The following ENPP2 variants were observed in gnomAD, a reference collection of about 807,000 sequenced individuals.
The protein encoded by ENPP2 is autotaxin.
A neutral mutation model predicts 120.2 loss-of-function variants in ENPP2; 51 were observed. That is an observed-to-expected ratio of 0.42 (90% CI 0.34 to 0.54). The LOEUF (loss-of-function observed/expected upper bound fraction) is 0.54. Ranked by LOEUF, ENPP2 falls within the 20% of genes least tolerant of loss-of-function variation. ENPP2 has a pLI of 0.04. For synonymous variants in ENPP2, 365 were observed against 366.4 expected (o/e 1.00, Z 0.04); for missense variants, 920 against 1,066.5 (o/e 0.86, Z 1.91).
In ENPP2 at chr8:119,582,491, T is replaced by C. The variant is rs566202012; in HGVS notation, c.1655A>G (p.Asn552Ser). The C allele has an allele frequency of 2.2e-5, 36 of 1,614,122 alleles. No homozygotes were observed. The East Asian group carries it at 6.9e-4, about 31-fold the overall frequency. Residue 552 changes from asparagine (N) to serine (S), a missense_variant, in exon 18 of 25, where the codon AAT (asparagine) becomes AGT (serine). Physicochemically the swap from Asn to Ser is conservative, Grantham distance 46 (BLOSUM62 1). Transcript: ENST00000075322. ...PTMPEEVTRP[N>S]YPGIMYLQSD... ...CTGAAGGTACATAATCCCTGGATAA[T>C]TGGGTCTGGTAACTTCCTCTGGCAT...
chr8:119,668,644 G>A lies in ENPP2; in HGVS notation c.21+4608C>T, dbSNP rs1334467425. Among the ~76,000 whole-genome samples the A allele has an allele frequency of 4.0e-5, 6 of 151,758 alleles. No individual in the cohort carries two copies. In the East Asian group the frequency reaches 7.7e-4, roughly 20 times the overall value. ...GGGTTTCACCATGTTGGCCAGGATG[G>A]TCTCCATCTCTTGACCTTGTGATCC... On this transcript the variant is annotated intron_variant, in intron 1 of 25. Coordinates refer to the ENPP2 transcript ENST00000427067.
At chr8:119,611,589 C>A (rs1815112028) in intron 8 of ENPP2, among the ~76,000 whole-genome samples, 1 of 152,134 alleles carries the variant, frequency 6.6e-6, no homozygotes. Flanking sequence ...AAATATGCCC[C>A]CGAAGGAAAC....
At chr8:119,593,209 T>A (rs1813662114) in intron 12 of ENPP2, among the ~76,000 whole-genome samples, 1 of 152,192 alleles carries the variant, frequency 6.6e-6, no homozygotes, top group Admixed American at 6.5e-5. Flanking sequence ...TGCTTCTTCC[T>A]CTCTTTAACA....
intron 1 of ENPP2, among the ~76,000 whole-genome samples, chr8:119,651,156 A>C (rs1335277371): frequency 6.6e-6 from 1 of 152,152 alleles, no homozygotes; most frequent in Admixed American, 6.5e-5. Flanking sequence ...TAATGGTTAA[A>C]TTATAGATAG....
At chr8:119,670,401 T>C (rs1162830215) in intron 1 of ENPP2, among the ~76,000 whole-genome samples, 3 of 152,258 alleles carry the variant, frequency 2.0e-5, no homozygotes, top group African/African-American at 7.2e-5. Context: ...ATCTCTGTCA[T>C]CTAATTCAAT....
rs563218494 is a variant in ENPP2 at position 119,645,970 on chromosome 8, T to C, written c.22-7443A>G. Among the ~76,000 whole-genome samples the C allele has an allele frequency of 6.7e-4, 102 of 152,136 alleles. 1 individual carries two copies. Among genetic ancestry groups the C allele is most frequent in the African/African-American group, 2.4e-3 (101 of 41,520 alleles). On this transcript the variant is annotated intron_variant, in intron 1 of 25. Coordinates refer to the ENPP2 transcript ENST00000427067. Reference sequence around the variant, plus strand: ...TATGCAAATCTAATGATTTTCCTTCTAAACTTTTTTTTTTTGAGATGGAGT... The same window carrying C: ...TATGCAAATCTAATGATTTTCCTTCCAAACTTTTTTTTTTTGAGATGGAGT...
At chr8:119,567,298 A>T (rs1301032786) in intron 22 of ENPP2, among the ~76,000 whole-genome samples, 4 of 152,360 alleles carry the variant, frequency 2.6e-5, no homozygotes, top group Admixed American at 2.6e-4. Context: ...ATGAATGAGG[A>T]TGGAGACATA....
At chr8:119,657,810 T>C (rs1013084889) in intron 1 of ENPP2, among the ~76,000 whole-genome samples, 5 of 152,198 alleles carry the variant, frequency 3.3e-5, no homozygotes, top group African/African-American at 4.8e-5. Context: ...GAAGGGGTCA[T>C]TGTGATGAAT....
intron 2 of ENPP2, among the ~76,000 whole-genome samples, chr8:119,632,824 C>T (rs965746721): frequency 3.3e-5 from 5 of 152,192 alleles, no homozygotes; most frequent in Admixed American, 3.3e-4. Flanking sequence ...AATCCCAAGA[C>T]TTTGGGAGGC....
At chr8:119,632,412 T>C (rs1245750850) in intron 2 of ENPP2, among the ~76,000 whole-genome samples, 1 of 152,230 alleles carries the variant, frequency 6.6e-6, no homozygotes, top group African/African-American at 2.4e-5. Flanking sequence ...GAGATTCAAA[T>C]TCTATTGCCG....
chr8:119,644,409 A>G (rs544236549), intron 1 of ENPP2, among the ~76,000 whole-genome samples: 1 of 151,656 alleles, frequency 6.6e-6, no homozygotes, highest in Admixed American at 6.6e-5. Context: ...GAATTAATAG[A>G]TACTTAATGA....
At chr8:119,664,459 C>T (rs979624028) in intron 1 of ENPP2, among the ~76,000 whole-genome samples, 3 of 152,026 alleles carry the variant, frequency 2.0e-5, no homozygotes, top group South Asian at 4.1e-4. Context: ...AAATGATTTG[C>T]AAGCCGTGAA....
upstream of ENPP2, among the ~76,000 whole-genome samples, chr8:119,640,013 A>G (rs150576618): frequency 7.0e-4 from 107 of 152,318 alleles, no homozygotes; most frequent in Admixed American, 2.7e-3. Flanking sequence ...GAGACTTACC[A>G]TGCAACAAAT....
chr8:119,600,568 C>T, intron 11 of ENPP2, 110 bp downstream of exon 11: 1 of 717,936 alleles, frequency 1.4e-6, no homozygotes, highest in Non-Finnish European at 2.4e-6. Context: ...TTGCATAAAC[C>T]TTGTAGATAC....
At chr8:119,644,603 TATATATA>T (rs1224284093) in intron 1 of ENPP2, among the ~76,000 whole-genome samples, 1 of 95,686 alleles carries the variant, frequency 1.0e-5, no homozygotes, top group Non-Finnish European at 2.1e-5. Context: ...TATATATATA[TATATATA>T]TATATATATA....
At chr8:119,566,222 G>T (rs1450932538) in intron 22 of ENPP2, among the ~76,000 whole-genome samples, 1 of 152,124 alleles carries the variant, frequency 6.6e-6, no homozygotes, top group Non-Finnish European at 1.5e-5. Context: ...CAACCAGAGG[G>T]GCAGAATGGA....
intron 2 of ENPP2, among the ~76,000 whole-genome samples, chr8:119,636,717 C>A (rs1043740851): frequency 6.6e-6 from 1 of 151,924 alleles, no homozygotes; most frequent in Admixed American, 6.6e-5. Flanking sequence ...CCAATCTATA[C>A]TTTTCAAGTT....
chr8:119,672,010 G>A (rs980484740), intron 1 of ENPP2, among the ~76,000 whole-genome samples: 1 of 152,148 alleles, frequency 6.6e-6, no homozygotes, highest in African/African-American at 2.4e-5. Flanking sequence ...TGCGTGGGAG[G>A]GGGGGAGTTG....
At chr8:119,580,305 G>A (rs1021828054) in intron 18 of ENPP2, 138 bp from the exon 19 acceptor site, 14 of 721,900 alleles carry the variant, frequency 1.9e-5, no homozygotes, top group African/African-American at 8.8e-5. Flanking sequence ...ACATTCTTTC[G>A]AGGAATTAAC....
Sources: gnomAD v4.1 joint callset for allele counts (sites outside exome capture counted in the v4.1 genomes callset) on GRCh38, gnomAD v4.1.1 for gene constraint, MANE v1.5 for transcripts, NCBI Gene and HGNC (gene_info 2026-07-23, HGNC 2026-07-21) for gene names.